The following EXOC4 variants were observed in gnomAD, a reference collection of about 807,000 sequenced individuals.
EXOC4 encodes the protein exocyst complex component 4.
EXOC4 carries 71 observed loss-of-function variants against 107.2 expected under a neutral mutation model. That is an observed-to-expected ratio of 0.66 (90% confidence interval 0.55 to 0.81). EXOC4 has a LOEUF of 0.81. EXOC4 is among the 30% of genes least tolerant of loss of function. The probability of loss-of-function intolerance (pLI) is 0.00; values close to 1 mark genes in which losing one functional copy is unlikely to be tolerated. For missense variants in EXOC4, 1,108 were observed against 1,189.6 expected (o/e 0.93, Z 1.01); for synonymous variants, 456 against 441.2 (o/e 1.03, Z -0.42).
Position 133,822,933 on chromosome 7 carries a change from G to A in EXOC4, c.1734+5389G>A, listed in dbSNP as rs141550097. Among the ~76,000 whole-genome samples, 24 of 152,310 alleles carry A rather than the reference G, an allele frequency of 1.6e-4. No individual in the cohort carries two copies. In the East Asian group the frequency reaches 3.5e-3, roughly 22 times the overall value. ...TTTGTTTCATGCAGGCCCAGGAATT[G>A]TAAAAACAATATTTGCTGCAGCAGC... On this transcript the variant is annotated intron_variant, in intron 11 of 17. Transcript: ENST00000253861.
chr7:133,920,947 A>C (rs1799923310), intron 13 of EXOC4, among the ~76,000 whole-genome samples: 3 of 152,210 alleles, frequency 2.0e-5, no homozygotes. Context: ...CTGATGTATT[A>C]GTCAAGGTTT....
rs1796153058 is a variant in EXOC4 at position 134,065,125 on chromosome 7, G to A, written c.*597G>A. 6.6e-6 allele frequency: 1 copy of A among 152,576 alleles called. No individual in the cohort carries two copies. The highest frequency in any genetic ancestry group is 2.1e-4 in the South Asian group (1 of 4,828). The allele number at this position is 152,576 out of a possible 1,614,324, so 9.5% of individuals were successfully genotyped here. A position where few individuals can be genotyped will look rare whatever the true frequency, so the allele number is the denominator to read the frequency against. On this transcript the variant is annotated 3_prime_UTR_variant, in exon 18 of 18. Transcript: ENST00000253861. ...TTAGGGCTAGGAATAGAAGTCTTTTGATCCCAGTCCCTGGGACAGTTTTGT... is the reference window on the plus strand; with the variant it reads ...TTAGGGCTAGGAATAGAAGTCTTTTAATCCCAGTCCCTGGGACAGTTTTGT...
intron 5 of EXOC4, among the ~76,000 whole-genome samples, chr7:133,323,858 G>C (rs1779122982): frequency 6.6e-6 from 1 of 152,002 alleles, no homozygotes; most frequent in South Asian, 2.1e-4. Context: ...TTTTTCGTTG[G>C]TAAGCTATTA....
chr7:133,745,390 T>C lies in EXOC4; in HGVS notation c.1515-71935T>C, dbSNP rs547581109. Among the ~76,000 whole-genome samples the C allele has an allele frequency of 9.2e-4, 140 of 152,274 alleles. 1 individual carries two copies. The highest frequency in any genetic ancestry group is 3.0e-3 in the African/African-American group (126 of 41,566). Reference sequence around the variant, plus strand: ...TCTTTAAACTTACTGTCTAATTTTATCTATAAAATGAGAATTATAGAAGTA... The same window carrying C: ...TCTTTAAACTTACTGTCTAATTTTACCTATAAAATGAGAATTATAGAAGTA... On this transcript the variant is annotated intron_variant, in intron 10 of 17. Coordinates refer to ENST00000253861, the MANE Select transcript of EXOC4 (RefSeq NM_021807.4).
intron 14 of EXOC4, among the ~76,000 whole-genome samples, chr7:133,987,976 T>G (rs1794156451): frequency 6.6e-6 from 1 of 152,194 alleles, no homozygotes; most frequent in African/African-American, 2.4e-5. Flanking sequence ...TCAGTCTGGT[T>G]AATATTAGGA....
intron 15 of EXOC4, among the ~76,000 whole-genome samples, chr7:133,999,470 T>A (rs1486597474): frequency 6.6e-6 from 1 of 152,222 alleles, no homozygotes; most frequent in Non-Finnish European, 1.5e-5. Flanking sequence ...TTCCTGATGT[T>A]ATTTCTCACA....
intron 11 of EXOC4, among the ~76,000 whole-genome samples, chr7:133,853,011 A>C (rs1435946889): frequency 6.6e-6 from 1 of 152,180 alleles, no homozygotes; most frequent in East Asian, 1.9e-4. Context: ...GGAGTAAGTT[A>C]CTGGAAGCCG....
chr7:133,983,357 T>G (rs1794039589), intron 14 of EXOC4, among the ~76,000 whole-genome samples: 1 of 152,110 alleles, frequency 6.6e-6, no homozygotes, highest in Non-Finnish European at 1.5e-5. Flanking sequence ...AGATCCAAAT[T>G]TATGAGTGAT....
intron 1 of EXOC4, among the ~76,000 whole-genome samples, chr7:133,270,470 G>T (rs1228771043): frequency 6.6e-6 from 1 of 152,164 alleles, no homozygotes; most frequent in Non-Finnish European, 1.5e-5. Context: ...AAGTCATGGT[G>T]TGGAAGAAAC....
At chr7:133,417,484 A>G (rs1797506154) in intron 7 of EXOC4, among the ~76,000 whole-genome samples, 2 of 152,192 alleles carry the variant, frequency 1.3e-5, no homozygotes, top group Non-Finnish European at 2.9e-5. Context: ...AATCTCATTT[A>G]TAATTAAGAG....
intron 10 of EXOC4, among the ~76,000 whole-genome samples, chr7:133,662,342 C>T (rs570138180): frequency 2.0e-5 from 3 of 152,036 alleles, no homozygotes; most frequent in Middle Eastern, 6.8e-3. Context: ...AAGCCAGTTT[C>T]GGGAAACCAT....
the EXOC4 span, among the ~76,000 whole-genome samples, chr7:134,077,569 C>T: frequency 6.6e-6 from 1 of 152,186 alleles, no homozygotes; most frequent in East Asian, 1.9e-4. Context: ...TGCGCTCAGG[C>T]CCAGCTGACT....
intron 9 of EXOC4, among the ~76,000 whole-genome samples, chr7:133,629,813 G>A (rs1005135270): frequency 6.6e-6 from 1 of 151,932 alleles, no homozygotes; most frequent in East Asian, 1.9e-4. Context: ...AAAGTGGTGG[G>A]ACCACAGCTG....
intron 14 of EXOC4, among the ~76,000 whole-genome samples, chr7:133,985,607 G>A (rs943249965): frequency 1.3e-5 from 2 of 152,080 alleles, no homozygotes; most frequent in East Asian, 1.9e-4. Flanking sequence ...TGTCTTTCTC[G>A]TAAGACTCTT....
intron 9 of EXOC4, among the ~76,000 whole-genome samples, chr7:133,609,474 TTC>T (rs1358356279): frequency 2.6e-5 from 4 of 152,360 alleles, no homozygotes; most frequent in Admixed American, 2.6e-4. Flanking sequence ...AATTGCCCTC[TTC>T]TCTCGATTGT....
At chr7:133,737,589 A>G (rs984244000) in intron 10 of EXOC4, among the ~76,000 whole-genome samples, 2 of 152,164 alleles carry the variant, frequency 1.3e-5, no homozygotes, top group African/African-American at 4.8e-5. Flanking sequence ...TTTGTATCTC[A>G]TTTAACCAGG....
intron 10 of EXOC4, among the ~76,000 whole-genome samples, chr7:133,701,565 C>A (rs1794656405): frequency 6.6e-6 from 1 of 152,026 alleles, no homozygotes; most frequent in Admixed American, 6.5e-5. Flanking sequence ...TGTGTTTTTT[C>A]CTATATGTAC....
chr7:133,471,768 G>T (rs565297966), intron 7 of EXOC4, among the ~76,000 whole-genome samples: 1 of 152,118 alleles, frequency 6.6e-6, no homozygotes, highest in East Asian at 1.9e-4. Flanking sequence ...TCTGTTGCAT[G>T]GCCCTATGGT....
chr7:133,368,771 T>C (rs1796300861), intron 6 of EXOC4, among the ~76,000 whole-genome samples: 1 of 152,194 alleles, frequency 6.6e-6, no homozygotes, highest in Admixed American at 6.5e-5. Flanking sequence ...TTTGTGGCTT[T>C]AGAAATAACT....
Sources: gnomAD v4.1 joint callset for allele counts (sites outside exome capture counted in the v4.1 genomes callset) on GRCh38, gnomAD v4.1.1 for gene constraint, MANE v1.5 for transcripts, NCBI Gene and HGNC (gene_info 2026-07-23, HGNC 2026-07-21) for gene names.